Variants in PRDM5 observed in about 807,000 individuals in gnomAD.
PRDM5 encodes the protein PR domain zinc finger protein 5.
In PRDM5, 56 loss-of-function variants were observed where a neutral mutation model predicts 81.2. The ratio of observed to expected loss-of-function variants is 0.69; its 90% CI spans 0.56 to 0.86. The LOEUF is 0.86. PRDM5 is among the 40% of genes least tolerant of loss of function. The pLI is 0.00. For missense variants in PRDM5, 697 were observed against 770.1 expected, an observed-to-expected ratio of 0.91 and a Z score of 1.12; for synonymous variants, 267 against 256.4, an observed-to-expected ratio of 1.04 and a Z score of -0.39.
intron 1 of PRDM5, among the ~76,000 whole-genome samples, chr4:120,922,030 C>G (rs1262066732): frequency 6.6e-6 from 1 of 152,208 alleles, no homozygotes; most frequent in East Asian, 1.9e-4. Context: ...CTGCTCCTCC[C>G]ATCCCCGCAT....
At position 120,798,408 on chromosome 4, in the gene PRDM5, A is replaced by G. The variant is rs1296094856; in HGVS notation, c.1047T>C (p.Asn349=). 1.9e-6 allele frequency: 3 copies of G among 1,608,522 alleles called. No individual in the cohort carries two copies. Among genetic ancestry groups the G allele is most frequent in the Non-Finnish European group, 2.6e-6 (3 of 1,176,204 alleles). Residue 349 remains asparagine (N), a synonymous_variant, in exon 10 of 16, where the codon AAT becomes AAC. Coordinates refer to ENST00000264808, the MANE Select transcript of PRDM5 (RefSeq NM_018699.4). ...MITHSEKRPY[N]CEICNKSFKR... is the part of the protein sequence containing the mutation. ...TGAAAGACTTATTACAAATCTCGCA[A>G]TTATAGGGTCGTTTTTCTATTAAAA...
In PRDM5 at chr4:120,922,563, G is replaced by A. The variant is rs377348597; in HGVS notation, c.46C>T (p.Arg16Trp). 3 of 1,611,036 alleles carry A rather than the reference G, an allele frequency of 1.9e-6. No individual in the cohort carries two copies. The highest frequency in any genetic ancestry group is 1.7e-5 in the Admixed American group (1 of 59,904). ...VPDRFSLKSS[R>W]VQDGMGLYTA... ...TAGAGCCCCATGCCGTCCTGAACCC[G>A]GGAGGACTTCAGGGAGAACCTGTCC... is the stretch of plus-strand genomic sequence containing the variant. The change falls in exon 1 of 16, where the codon CGG (arginine) becomes TGG (tryptophan). Residue 16 changes from arginine to tryptophan, a missense_variant. Arg to Trp is a moderately radical substitution (Grantham distance 101). Transcript: ENST00000264808.
At position 120,761,503 on chromosome 4, in the gene PRDM5, G is replaced by A. The variant is rs572359577; in HGVS notation, c.1538-6865C>T. Reference sequence around the variant, plus strand: ...ATGGAATATAATTTTAATTAAAGACGTCAGAAGAATTCTAGCCCTCACCAA... The same window carrying A: ...ATGGAATATAATTTTAATTAAAGACATCAGAAGAATTCTAGCCCTCACCAA... On this transcript the variant is annotated intron_variant, in intron 13 of 15. Transcript: ENST00000264808. Among the ~76,000 whole-genome samples the A allele has an allele frequency of 5.3e-5, 8 of 152,220 alleles. No homozygotes were observed. The South Asian group carries it at 6.2e-4, about 12-fold the overall frequency.
At chr4:120,863,612 A>C (rs1760885152) in intron 2 of PRDM5, among the ~76,000 whole-genome samples, 1 of 152,224 alleles carries the variant, frequency 6.6e-6, no homozygotes, top group African/African-American at 2.4e-5. Context: ...CATTTAAAAA[A>C]ATGAGAAAAA....
At chr4:120,893,904 C>T (rs1764339860) in intron 2 of PRDM5, among the ~76,000 whole-genome samples, 2 of 152,024 alleles carry the variant, frequency 1.3e-5, no homozygotes, top group South Asian at 4.1e-4. Context: ...TATTTTCAGG[C>T]TTTCTGAGTC....
chr4:120,715,990 A>G (rs1484521312), intron 14 of PRDM5, among the ~76,000 whole-genome samples: 2 of 152,206 alleles, frequency 1.3e-5, no homozygotes, highest in African/African-American at 4.8e-5. Flanking sequence ...GCTCATACAG[A>G]TGCTTAAAAG....
rs1174076166 is a variant in PRDM5 at position 120,922,681 on chromosome 4, T to C, written c.-73A>G. 5.8e-6 allele frequency: 9 copies of C among 1,541,808 alleles called. No homozygotes were observed. Among genetic ancestry groups the C allele is most frequent in the Non-Finnish European group, 7.9e-6 (9 of 1,140,046 alleles). On this transcript the variant is annotated 5_prime_UTR_variant, in exon 1 of 16. Coordinates refer to ENST00000264808, the MANE Select transcript of PRDM5 (RefSeq NM_018699.4). ...GCCCGGCAGGCGGCACATCGAAATT[T>C]GGGGTGCCAGGGTAGAGGGGAGAAA...
intron 2 of PRDM5, among the ~76,000 whole-genome samples, chr4:120,863,358 A>G (rs1760855463): frequency 6.6e-6 from 1 of 151,712 alleles, no homozygotes; most frequent in Non-Finnish European, 1.5e-5. Context: ...CACACCTACT[A>G]CGTACTGTAA....
chr4:120,744,029 A>G (rs955749274), intron 14 of PRDM5, among the ~76,000 whole-genome samples: 3 of 152,080 alleles, frequency 2.0e-5, no homozygotes, highest in South Asian at 2.1e-4. Flanking sequence ...CATACTTGGA[A>G]GTAAAGCTCT....
rs1250822137 is a variant in PRDM5, at chr4:120,699,169, T to A, written c.1729-3894A>T. ...CAATTATAGGAAATATAAATATATA[T>A]ATATATATATATATATATATATATA... On this transcript the variant is annotated intron_variant, in intron 15 of 15. Coordinates refer to ENST00000264808, the MANE Select transcript of PRDM5 (RefSeq NM_018699.4). Among the ~76,000 whole-genome samples, 25 of 29,686 alleles carry A rather than the reference T, an allele frequency of 8.4e-4. 1 individual carries two copies. Among genetic ancestry groups the A allele is most frequent in the Admixed American group, 3.8e-3 (8 of 2,128 alleles). 19.5% of individuals were successfully genotyped at this position (29,686 alleles called of 152,430 possible). A position where few individuals can be genotyped will look rare whatever the true frequency, so the allele number is the denominator to read the frequency against.
chr4:120,808,742 C>T lies in PRDM5; in HGVS notation c.945+2628G>A, dbSNP rs555529971. Among the ~76,000 whole-genome samples the T allele has an allele frequency of 7.9e-5, 12 of 152,300 alleles. No individual in the cohort carries two copies. The South Asian group carries it at 8.3e-4, about 11-fold the overall frequency. The stretch of plus-strand genomic sequence containing the variant: ...CTCAGGCACGGTGGGCTGCAGGTCC[C>T]GTGCCCTCCCCTACAGGGAGGTAGC... On this transcript the variant is annotated intron_variant, in intron 8 of 15. Coordinates refer to ENST00000264808, the MANE Select transcript of PRDM5 (RefSeq NM_018699.4).
intron 14 of PRDM5, among the ~76,000 whole-genome samples, chr4:120,730,727 T>C (rs572992799): frequency 4.6e-5 from 7 of 152,238 alleles, no homozygotes; most frequent in Admixed American, 2.0e-4. Flanking sequence ...TCCTGAAGTA[T>C]ATTATTAAAG....
At chr4:120,740,208 G>A (rs1270956105) in intron 14 of PRDM5, among the ~76,000 whole-genome samples, 2 of 152,016 alleles carry the variant, frequency 1.3e-5, no homozygotes, top group African/African-American at 2.4e-5. Flanking sequence ...TTCCAAAATC[G>A]AATTAACGAT....
chr4:120,729,525 T>C (rs1471156659), intron 14 of PRDM5, among the ~76,000 whole-genome samples: 2 of 152,168 alleles, frequency 1.3e-5, no homozygotes, highest in African/African-American at 4.8e-5. Context: ...TGAGTCATCA[T>C]TGGCCTAGAC....
At chr4:120,807,799 C>T (rs1157459529) in intron 8 of PRDM5, among the ~76,000 whole-genome samples, 2 of 152,114 alleles carry the variant, frequency 1.3e-5, no homozygotes, top group African/African-American at 2.4e-5. Context: ...CAGACTTTCA[C>T]GGTGAGTGTT....
At position 120,798,356 on chromosome 4, in the gene PRDM5, T is replaced by C; in HGVS notation, c.1099A>G (p.Lys367Glu). 1 of 1,613,656 alleles carries C rather than the reference T, an allele frequency of 6.2e-7. No homozygotes were observed. Among genetic ancestry groups the C allele is most frequent in the South Asian group, 1.1e-5 (1 of 91,068 alleles). Residue 367 changes from lysine (K) to glutamate (E), a missense_variant, in exon 10 of 16, where the codon AAA becomes GAA. By Grantham distance (56) the Lys-to-Glu change is moderately conservative. Around this residue, in one of 3 missense-constraint regions of PRDM5, gnomAD observed 577 missense variants for 606.7 expected, o/e 0.95. Coordinates refer to ENST00000264808, the MANE Select transcript of PRDM5 (RefSeq NM_018699.4). ...GGTTTGTCTTCGCTGTGTATTACTT[T>C]GTGAGCACCCACTTGATCAAGCCTC... Reference protein sequence around the residue: ...FKRLDQVGAHKVIHSEDKPYK... With the variant: ...FKRLDQVGAHEVIHSEDKPYK...
chr4:120,753,363 A>G (rs1160910737), intron 14 of PRDM5, among the ~76,000 whole-genome samples: 3 of 152,186 alleles, frequency 2.0e-5, no homozygotes, highest in African/African-American at 7.2e-5. Flanking sequence ...GTACTTTTAT[A>G]TCTAGGAAGT....
chr4:120,907,905 A>T (rs907646741), intron 1 of PRDM5, among the ~76,000 whole-genome samples: 1 of 152,238 alleles, frequency 6.6e-6, no homozygotes, highest in African/African-American at 2.4e-5. Flanking sequence ...GTCTGACTTG[A>T]GAGACAAGCC....
At chr4:120,836,442 T>C (rs1578928749) in intron 3 of PRDM5, among the ~76,000 whole-genome samples, 1 of 152,210 alleles carries the variant, frequency 6.6e-6, no homozygotes, top group Non-Finnish European at 1.5e-5. Flanking sequence ...TAAAACAGGA[T>C]ACTTGTATTC....
Sources: allele counts gnomAD v4.1 joint callset (sites outside exome capture counted in the v4.1 genomes callset), GRCh38; gene constraint gnomAD v4.1.1; regional missense constraint gnomAD v4.1.1; transcripts MANE v1.5; gene names NCBI Gene and HGNC (gene_info 2026-07-23, HGNC 2026-07-21).